GALNT1: variants seen among roughly 807,000 people sequenced by gnomAD.
The protein encoded by GALNT1 is GalNAc transferase 1.
GALNT1 carries 17 observed loss-of-function variants against 65.7 expected under a neutral mutation model. That is an observed-to-expected ratio of 0.26 (90% CI 0.18 to 0.39). The LOEUF (loss-of-function observed/expected upper bound fraction) is 0.39, where lower values mean the gene tolerates loss of function less well. GALNT1 is among the 10% of genes least tolerant of loss of function. GALNT1 has a pLI of 1.00. For synonymous variants in GALNT1, 210 were observed against 219.7 expected (o/e 0.96, Z 0.39); for missense variants, 460 against 672.8 (o/e 0.68, Z 3.50).
intron 1 of GALNT1, among the ~76,000 whole-genome samples, chr18:35,591,028 A>G (rs2046437413): frequency 6.6e-6 from 1 of 152,206 alleles, no homozygotes; most frequent in South Asian, 2.1e-4. Context: ...CACTGGGGAT[A>G]GGAAATAAGG....
intron 2 of GALNT1, among the ~76,000 whole-genome samples, chr18:35,657,481 A>T (rs1433210787): frequency 6.6e-6 from 1 of 152,184 alleles, no homozygotes; most frequent in African/African-American, 2.4e-5. Flanking sequence ...TGGTAGTTTA[A>T]GTCTTTTCTG....
chr18:35,644,320 C>T (rs573928587), intron 1 of GALNT1, among the ~76,000 whole-genome samples: 4 of 152,242 alleles, frequency 2.6e-5, no homozygotes, highest in Admixed American at 2.6e-4. Flanking sequence ...CTTTGGCTAT[C>T]GAATAAGGCT....
At chr18:35,676,926 T>G (rs2047719210) in intron 3 of GALNT1, among the ~76,000 whole-genome samples, 1 of 152,226 alleles carries the variant, frequency 6.6e-6, no homozygotes, top group Non-Finnish European at 1.5e-5. Context: ...TGTTTGGTAT[T>G]TCTGATTATT....
At chr18:35,655,772 G>A (rs1183940878) in intron 2 of GALNT1, among the ~76,000 whole-genome samples, 1 of 152,050 alleles carries the variant, frequency 6.6e-6, no homozygotes, top group Non-Finnish European at 1.5e-5. Flanking sequence ...GATTTGTATT[G>A]TTAACTGTAC....
intron 1 of GALNT1, among the ~76,000 whole-genome samples, chr18:35,619,841 ATC>A (rs1442276973): frequency 2.0e-5 from 3 of 152,178 alleles, no homozygotes; most frequent in Admixed American, 2.0e-4. Context: ...ACATTTGAGA[ATC>A]TCTGTTTAAA....
intron 1 of GALNT1, among the ~76,000 whole-genome samples, chr18:35,590,707 C>T (rs923596402): frequency 1.3e-5 from 2 of 151,954 alleles, no homozygotes; most frequent in Non-Finnish European, 2.9e-5. Flanking sequence ...TTGAAACTCT[C>T]ATTTGTCCAT....
At chr18:35,667,655 C>T (rs2047568711) in intron 3 of GALNT1, among the ~76,000 whole-genome samples, 1 of 152,010 alleles carries the variant, frequency 6.6e-6, no homozygotes, top group Non-Finnish European at 1.5e-5. Context: ...TCTGTAGGTT[C>T]CTTCTCTGTT....
At chr18:35,637,692 A>G (rs929423060) in intron 1 of GALNT1, among the ~76,000 whole-genome samples, 3 of 152,250 alleles carry the variant, frequency 2.0e-5, no homozygotes, top group African/African-American at 7.2e-5. Context: ...AGGTGGCTAC[A>G]CTAAAAAACA....
intron 1 of GALNT1, among the ~76,000 whole-genome samples, chr18:35,648,522 T>C (rs897029431): frequency 3.3e-5 from 5 of 152,256 alleles, no homozygotes; most frequent in Non-Finnish European, 7.3e-5. Flanking sequence ...TACTTTGATA[T>C]TAACTCTAAT....
intron 1 of GALNT1, among the ~76,000 whole-genome samples, chr18:35,637,859 A>G (rs1336098564): frequency 6.6e-6 from 1 of 152,202 alleles, no homozygotes; most frequent in African/African-American, 2.4e-5. Context: ...AGTTGAAGCC[A>G]ATGTTCAGTT....
rs550124656 is a variant in GALNT1, at chr18:35,593,418, AAGG to A, written c.-104+11562_-104+11564del. On this transcript the variant is annotated intron_variant, in intron 1 of 11. Transcript: ENST00000269195. ...CTGAGGAAGTATTTGGGAGAGGAGA[AAGG>A]AGGAGATTGTAGCTTGCATTCGGGG... 3.6e-4 allele frequency among the ~76,000 whole-genome samples: 55 copies of A among 152,244 alleles called. No homozygotes were observed. In the East Asian group the frequency reaches 0.01, roughly 28 times the overall value.
chr18:35,693,536 A>G (rs957853401), intron 9 of GALNT1, among the ~76,000 whole-genome samples: 2 of 152,212 alleles, frequency 1.3e-5, no homozygotes, highest in Non-Finnish European at 2.9e-5. Context: ...GAAAAACTAT[A>G]TGGAAACAGG....
intron 1 of GALNT1, among the ~76,000 whole-genome samples, chr18:35,643,213 T>TTG (rs1452820030): frequency 1.3e-5 from 2 of 152,156 alleles, no homozygotes; most frequent in African/African-American, 2.4e-5. Context: ...TGTCACACCT[T>TTG]TGTGTGGATA....
At chr18:35,668,970 A>G (rs1038621419) in intron 3 of GALNT1, among the ~76,000 whole-genome samples, 1 of 152,202 alleles carries the variant, frequency 6.6e-6, no homozygotes, top group African/African-American at 2.4e-5. Flanking sequence ...AGCCGGGCGC[A>G]CTGACTCACG....
At chr18:35,669,796 C>T (rs1186588060) in intron 3 of GALNT1, among the ~76,000 whole-genome samples, 1 of 152,068 alleles carries the variant, frequency 6.6e-6, no homozygotes, top group African/African-American at 2.4e-5. Flanking sequence ...CTGTTAACAC[C>T]ACTTCTGTTC....
At chr18:35,698,188 C>T (rs574466556) in intron 9 of GALNT1, among the ~76,000 whole-genome samples, 1 of 152,298 alleles carries the variant, frequency 6.6e-6, no homozygotes, top group African/African-American at 2.4e-5. Flanking sequence ...TAAAATTAGG[C>T]CACGCCTGGT....
chr18:35,606,818 GTT>G (rs1352840038), intron 1 of GALNT1, among the ~76,000 whole-genome samples: 1 of 127,586 alleles, frequency 7.8e-6, no homozygotes, highest in South Asian at 2.7e-4. Context: ...CTTTGTTGAT[GTT>G]TTGTGTGTGT....
chr18:35,608,282 T>A (rs890311748), intron 1 of GALNT1, among the ~76,000 whole-genome samples: 8 of 152,236 alleles, frequency 5.3e-5, no homozygotes, highest in Non-Finnish European at 1.0e-4. Context: ...ATGCAATTGA[T>A]TAGATTATGT....
chr18:35,618,124 T>G (rs1568016584), intron 1 of GALNT1, among the ~76,000 whole-genome samples: 1 of 152,048 alleles, frequency 6.6e-6, no homozygotes, highest in Non-Finnish European at 1.5e-5. Flanking sequence ...AACTGTTAAC[T>G]GCTCTGATTT....
Sources: gnomAD v4.1 joint callset for allele counts (sites outside exome capture counted in the v4.1 genomes callset) on GRCh38, gnomAD v4.1.1 for gene constraint, MANE v1.5 for transcripts, NCBI Gene and HGNC (gene_info 2026-07-23, HGNC 2026-07-21) for gene names.